DOK6: variants seen among roughly 807,000 people sequenced by gnomAD.
DOK6 encodes downstream of tyrosine kinase 6.
In DOK6, 22 loss-of-function variants were observed where a neutral mutation model predicts 44.0. The observed-to-expected ratio is 0.50, with a 90% CI of 0.36 to 0.71. The LOEUF is 0.71. Among genes scored for constraint, DOK6 ranks in the 30% least tolerant of loss-of-function variants. DOK6 has a pLI of 0.00. For synonymous variants in DOK6, 166 were observed against 145.5 expected (o/e 1.14, Z -1.01); for missense variants, 340 against 416.4 (o/e 0.82, Z 1.60).
chr18:69,505,491 CTTTTTTTTTTT>C (rs772908185), intron 1 of DOK6, among the ~76,000 whole-genome samples: 15 of 88,558 alleles, frequency 1.7e-4, no homozygotes, highest in Middle Eastern at 0.01. Context: ...TACTCCCATT[CTTTTTTTTTTT>C]TTTTTTTTTT....
At chr18:69,746,263 A>ATTAT (rs1277946939) in intron 6 of DOK6, among the ~76,000 whole-genome samples, 5 of 151,984 alleles carry the variant, frequency 3.3e-5, no homozygotes, top group South Asian at 2.1e-4. Context: ...TATTTATTTA[A>ATTAT]TTATTTATTT....
chr18:69,578,235 T>C (rs1314563877), intron 2 of DOK6, among the ~76,000 whole-genome samples: 1 of 152,178 alleles, frequency 6.6e-6, no homozygotes, highest in Non-Finnish European at 1.5e-5. Flanking sequence ...TCTATAATGG[T>C]ACTATATAGG....
chr18:69,696,374 G>T (rs555981948), intron 4 of DOK6, among the ~76,000 whole-genome samples: 4 of 152,074 alleles, frequency 2.6e-5, no homozygotes, highest in Admixed American at 2.6e-4. Context: ...CAAACTATGG[G>T]CATGAACATC....
At chr18:69,571,975 G>A (rs924979119) in intron 2 of DOK6, among the ~76,000 whole-genome samples, 9 of 151,958 alleles carry the variant, frequency 5.9e-5, no homozygotes, top group Admixed American at 1.3e-4. Context: ...AGTAGACCAC[G>A]TTCAAGAATA....
intron 1 of DOK6, among the ~76,000 whole-genome samples, chr18:69,541,238 A>T (rs538707256): frequency 6.6e-6 from 1 of 151,526 alleles, no homozygotes; most frequent in Admixed American, 6.6e-5. Flanking sequence ...TTAAGCCACT[A>T]AAATTGCAGA....
intron 7 of DOK6, among the ~76,000 whole-genome samples, chr18:69,775,105 G>A (rs1410273720): frequency 1.3e-5 from 2 of 151,532 alleles, no homozygotes; most frequent in African/African-American, 4.8e-5. Context: ...AATGAGGCCA[G>A]ATGCAATAAA....
intron 1 of DOK6, among the ~76,000 whole-genome samples, chr18:69,549,236 T>C (rs938983342): frequency 6.6e-6 from 1 of 151,664 alleles, no homozygotes; most frequent in Admixed American, 6.6e-5. Flanking sequence ...CCAAAATGCA[T>C]GAAATTTTTT....
chr18:69,421,336 C>T (rs1201542379), intron 1 of DOK6, among the ~76,000 whole-genome samples: 2 of 152,116 alleles, frequency 1.3e-5, no homozygotes, highest in African/African-American at 4.8e-5. Context: ...ATTTAAGCCC[C>T]AGCTCAAGAG....
rs530136929 is a variant in DOK6 at position 69,668,179 on chromosome 18, G to A, written c.290-9555G>A. 9.0e-4 allele frequency among the ~76,000 whole-genome samples: 136 copies of A among 151,620 alleles called. 1 individual carries two copies. Among genetic ancestry groups the A allele is most frequent in the African/African-American group, 3.2e-3 (131 of 41,310 alleles). On this transcript the variant is annotated intron_variant, in intron 3 of 7. Coordinates refer to ENST00000382713, the MANE Select transcript of DOK6 (RefSeq NM_152721.6). Reference sequence around the variant, plus strand: ...ATCCTAAATGTGAATGATTCTCATCGCCACCATTCCCCACTCCACTGCTAT... The same window carrying A: ...ATCCTAAATGTGAATGATTCTCATCACCACCATTCCCCACTCCACTGCTAT...
chr18:69,481,493 G>T (rs1280525443), intron 1 of DOK6, among the ~76,000 whole-genome samples: 4 of 151,952 alleles, frequency 2.6e-5, no homozygotes, highest in African/African-American at 9.7e-5. Flanking sequence ...TTGTCCTTGC[G>T]ATAGTTTCTG....
intron 3 of DOK6, among the ~76,000 whole-genome samples, chr18:69,630,524 G>T (rs1984665860): frequency 6.6e-6 from 1 of 152,170 alleles, no homozygotes; most frequent in East Asian, 1.9e-4. Context: ...AACACAAATA[G>T]ACTGTCAGAA....
chr18:69,773,663 T>A (rs1329791690), intron 7 of DOK6, among the ~76,000 whole-genome samples: 4 of 151,964 alleles, frequency 2.6e-5, no homozygotes, highest in African/African-American at 9.7e-5. Flanking sequence ...GGGAACAGAA[T>A]GTGCTTACCA....
chr18:69,562,433 T>C (rs1982857998), intron 1 of DOK6, among the ~76,000 whole-genome samples: 2 of 152,226 alleles, frequency 1.3e-5, no homozygotes, highest in Admixed American at 1.3e-4. Flanking sequence ...TTGGTTACTG[T>C]AGCCTTGCAG....
intron 3 of DOK6, chr18:69,660,868 A>T (rs570114379): frequency 6.6e-6 from 1 of 152,222 alleles, no homozygotes; most frequent in African/African-American, 2.4e-5. Context: ...ACGGGGTTTC[A>T]CTATGTTGAC....
intron 1 of DOK6, among the ~76,000 whole-genome samples, chr18:69,440,873 T>A (rs1370767951): frequency 6.6e-6 from 1 of 152,050 alleles, no homozygotes; most frequent in African/African-American, 2.4e-5. Context: ...CAACTTGACA[T>A]TGTCTGATTG....
intron 3 of DOK6, among the ~76,000 whole-genome samples, chr18:69,627,505 A>G (rs879746427): frequency 1.3e-5 from 2 of 152,060 alleles, no homozygotes; most frequent in Admixed American, 6.6e-5. Context: ...CTGGAGGGCA[A>G]TGGAGCCATC....
intron 1 of DOK6, among the ~76,000 whole-genome samples, chr18:69,411,746 A>G (rs1456395522): frequency 6.6e-6 from 1 of 152,084 alleles, no homozygotes; most frequent in Non-Finnish European, 1.5e-5. Context: ...TCAGTTTTGA[A>G]ACATTCTCCA....
chr18:69,429,616 GATACATATATATATATAT>G (rs773257828), intron 1 of DOK6, among the ~76,000 whole-genome samples: 2,632 of 78,098 alleles, frequency 0.034, 70 homozygotes, highest in Admixed American at 0.12. Flanking sequence ...AATATTGAGG[GATACATATATATATATAT>G]ATATATATAT....
chr18:69,423,252 C>A lies in DOK6; in HGVS notation c.66+21942C>A, dbSNP rs113598668. Among the ~76,000 whole-genome samples, 163 of 152,250 alleles carry A rather than the reference C, an allele frequency of 1.1e-3. 1 individual carries two copies. Among genetic ancestry groups the A allele is most frequent in the African/African-American group, 3.7e-3 (153 of 41,550 alleles). On this transcript the variant is annotated intron_variant, in intron 1 of 7. Transcript: ENST00000382713. Reference sequence around the variant, plus strand: ...GGGAGATCTAAGCTGTAGTGAGCTGCGATCATGCCACTGTACTCCAGCATG... The same window carrying A: ...GGGAGATCTAAGCTGTAGTGAGCTGAGATCATGCCACTGTACTCCAGCATG...
Sources: allele counts gnomAD v4.1 joint callset (sites outside exome capture counted in the v4.1 genomes callset), GRCh38; gene constraint gnomAD v4.1.1; transcripts MANE v1.5; gene names NCBI Gene and HGNC (gene_info 2026-07-23, HGNC 2026-07-21).